The following SCAF1 variants were observed in gnomAD, a reference collection of about 807,000 sequenced individuals.
SCAF1 encodes the protein SR-related CTD associated factor 1, also known as splicing factor, arginine/serine-rich 19.
In SCAF1, 28 loss-of-function variants were observed where a neutral mutation model predicts 91.2. The ratio of observed to expected loss-of-function variants is 0.31; its 90% CI spans 0.23 to 0.42. The LOEUF (loss-of-function observed/expected upper bound fraction) is 0.42. SCAF1 is among the 10% of genes least tolerant of loss of function. The pLI, the probability that SCAF1 is intolerant of heterozygous loss-of-function variation, is 1.00. For missense variants in SCAF1, 1,893 were observed against 1,872.1 expected (o/e 1.01, Z -0.21); for synonymous variants, 1,036 against 833.7 (o/e 1.24, Z -4.18).
chr19:49,653,294 C>T lies in SCAF1; in HGVS notation c.2905C>T (p.Arg969Trp), dbSNP rs1342039880. The T allele has an allele frequency of 4.8e-6, 7 of 1,466,328 alleles. No individual in the cohort carries two copies. Among genetic ancestry groups the T allele is most frequent in the Admixed American group, 5.3e-5 (2 of 37,710 alleles). 90.8% of individuals were successfully genotyped at this position (1,466,328 alleles called of 1,614,324 possible). A position where few individuals can be genotyped will look rare whatever the true frequency, so the allele number is the denominator to read the frequency against. ...AEETSWSGEE[R>W]AAKVPSTPPP... ...GGAGACTTCCTGGTCCGGGGAGGAG[C>T]GGGCAGCCAAGGTTCCTAGCACCCC... is the stretch of plus-strand genomic sequence containing the variant. The change falls in exon 7 of 11, where the codon CGG becomes TGG. Residue 969 changes from arginine to tryptophan, a missense_variant. Physicochemically the swap from Arg to Trp is moderately radical, Grantham distance 101 (BLOSUM62 -3). Transcript: ENST00000360565.
Position 49,658,596 on chromosome 19 carries a change from GT to G in SCAF1, c.*200del, listed in dbSNP as rs1196761730. ...CCTGTCCCCAGTGCCCCTCCCTTCT[GT>G]TTGTGCCCCTCTCCCCAATTTCATT... On this transcript the variant is annotated 3_prime_UTR_variant, in exon 11 of 11. Transcript: ENST00000360565. 1 of 592,874 alleles carries G rather than the reference GT, an allele frequency of 1.7e-6. No homozygotes were observed. Among genetic ancestry groups the G allele is most frequent in the Non-Finnish European group, 3.0e-6 (1 of 335,176 alleles). The allele number at this position is 592,874 out of a possible 1,614,324, so 36.7% of individuals were successfully genotyped here.
At chr19:49,656,371 A>G (rs1404366526) in intron 9 of SCAF1, among the ~76,000 whole-genome samples, 1 of 152,172 alleles carries the variant, frequency 6.6e-6, no homozygotes, top group Admixed American at 6.5e-5. Context: ...GTAGCTCGTC[A>G]GACAGTGTCA....
chr19:49,652,631 CAGA>C lies in SCAF1; in HGVS notation c.2245_2247del (p.Lys749del), dbSNP rs1325965408. 4.5e-6 allele frequency: 7 copies of C among 1,562,720 alleles called. No individual in the cohort carries two copies. The highest frequency in any genetic ancestry group is 6.1e-6 in the Non-Finnish European group (7 of 1,153,726). The stretch of plus-strand genomic sequence containing the variant: ...CGAGGAGCGGGGCGGCAAGAGCAGC[CAGA>C]AGGATCGGCGCCGCTCGGGGGCCGC... On this transcript the variant is annotated inframe_deletion, in exon 7 of 11. Coordinates refer to ENST00000360565, the MANE Select transcript of SCAF1 (RefSeq NM_021228.3).
rs1394971352 is a variant in SCAF1, at chr19:49,642,845, G to A, written c.-7+603G>A. 7 of 152,296 alleles carry A rather than the reference G, an allele frequency of 4.6e-5. No individual in the cohort carries two copies. The highest frequency in any genetic ancestry group is 1.7e-4 in the African/African-American group (7 of 41,454). The allele number at this position is 152,296 out of a possible 1,614,324, so 9.4% of individuals were successfully genotyped here. On this transcript the variant is annotated intron_variant, in intron 1 of 10. Transcript: ENST00000360565. This position sits in a 1 kb window ranked among gnomAD's most constrained non-coding sequence, Gnocchi z 4.0. ...GTCATTTAGGGCCCCCTAGGGGGTT[G>A]GGTTATGCCCACCAGGGAAGGGCGC... is the stretch of plus-strand genomic sequence containing the variant.
At chr19:49,640,616 T>C (rs2081021565), upstream of SCAF1, among the ~76,000 whole-genome samples, 1 of 152,080 alleles carries the variant, frequency 6.6e-6, no homozygotes, top group South Asian at 2.1e-4. Context: ...ACCTCCCTCC[T>C]GGGATCCTAG....
intron 1 of SCAF1, among the ~76,000 whole-genome samples, chr19:49,644,064 G>T (rs147346262): frequency 2.6e-5 from 4 of 152,318 alleles, no homozygotes; most frequent in Non-Finnish European, 4.4e-5. Flanking sequence ...GTCAGGCTTT[G>T]AGTATTCACA....
At position 49,645,686 on chromosome 19, in the gene SCAF1, GCT is replaced by G. The variant is rs2081050833; in HGVS notation, c.166+280_166+281del. Among the ~76,000 whole-genome samples the G allele has an allele frequency of 6.6e-6, 1 of 152,186 alleles. No homozygotes were observed. Among genetic ancestry groups the G allele is most frequent in the African/African-American group, 2.4e-5 (1 of 41,444 alleles). On this transcript the variant is annotated intron_variant, in intron 3 of 10. Coordinates refer to ENST00000360565, the MANE Select transcript of SCAF1 (RefSeq NM_021228.3). The surrounding 1 kb of genome is among the most constrained non-coding windows in gnomAD (Gnocchi z 4.6). The stretch of plus-strand genomic sequence containing the variant: ...CTTCCCCGAGCAGGGACAGTGAACG[GCT>G]CTCTAAGGACCTAGAAGAGTCTAAG...
chr19:49,646,876 G>C lies in SCAF1; in HGVS notation c.478+46G>C. 6.8e-7 allele frequency: 1 copy of C among 1,464,450 alleles called. No individual in the cohort carries two copies. Among genetic ancestry groups the C allele is most frequent in the Non-Finnish European group, 9.3e-7 (1 of 1,073,346 alleles). 90.7% of individuals were successfully genotyped at this position (1,464,450 alleles called of 1,614,324 possible). A position where few individuals can be genotyped will look rare whatever the true frequency, so the allele number is the denominator to read the frequency against. ...GCTGGGCAGGTGGTCGTGGAGTTGT[G>C]TGGGGATCGGCTGTTTTTGGTAGTG... is the stretch of plus-strand genomic sequence containing the variant. On this transcript the variant is annotated intron_variant, in intron 6 of 10. Coordinates refer to ENST00000360565, the MANE Select transcript of SCAF1 (RefSeq NM_021228.3). This position sits in a 1 kb window ranked among gnomAD's most constrained non-coding sequence, Gnocchi z 5.6.
intron 6 of SCAF1, among the ~76,000 whole-genome samples, chr19:49,648,957 G>A (rs554583501): frequency 1.4e-5 from 2 of 143,110 alleles, no homozygotes; most frequent in African/African-American, 5.2e-5. Flanking sequence ...GTAACAGAGT[G>A]AGACTCCCTC....
chr19:49,652,271 G>C lies in SCAF1; in HGVS notation c.1882G>C (p.Glu628Gln). The C allele has an allele frequency of 6.7e-7, 1 of 1,481,652 alleles. No individual in the cohort carries two copies. The highest frequency in any genetic ancestry group is 8.9e-7 in the Non-Finnish European group (1 of 1,120,478). 91.8% of individuals were successfully genotyped at this position (1,481,652 alleles called of 1,614,324 possible). A position where few individuals can be genotyped will look rare whatever the true frequency, so the allele number is the denominator to read the frequency against. Reference sequence around the variant, plus strand: ...TTCCTCATCGTCGTCCTCGAGGCGCGAGCGGCACCGCGGGAAACACCGGGA... The same window carrying C: ...TTCCTCATCGTCGTCCTCGAGGCGCCAGCGGCACCGCGGGAAACACCGGGA... ...ATSSSSSSRR[E>Q]RHRGKHRDGG... Residue 628 changes from glutamate to glutamine, a missense_variant, in exon 7 of 11, where the codon GAG becomes CAG. Physicochemically the swap from Glu to Gln is conservative, Grantham distance 29 (BLOSUM62 2). Coordinates refer to ENST00000360565, the MANE Select transcript of SCAF1 (RefSeq NM_021228.3).
intron 1 of SCAF1, among the ~76,000 whole-genome samples, chr19:49,643,896 A>G (rs759077286): frequency 2.0e-5 from 3 of 152,152 alleles, no homozygotes; most frequent in African/African-American, 2.4e-5. Flanking sequence ...TTGAAAATCT[A>G]TATGGGATCT....
rs775188545 is a variant in SCAF1, at chr19:49,653,526, C to G, written c.3137C>G (p.Thr1046Arg). 1 of 1,575,816 alleles carries G rather than the reference C, an allele frequency of 6.3e-7. No individual in the cohort carries two copies. Among genetic ancestry groups the G allele is most frequent in the Non-Finnish European group, 8.6e-7 (1 of 1,165,226 alleles). The stretch of plus-strand genomic sequence containing the variant: ...GAGGAGCAGCAGCCTGCTACCACCA[C>G]GGCCACCAGCACTGCTGCAGCCGCC... ...EEEEQQPATTTATSTAAAAPS... is the reference protein window; with the variant it reads ...EEEEQQPATTRATSTAAAAPS... The change falls in exon 7 of 11, where the codon ACG becomes AGG. Residue 1046 changes from threonine (T) to arginine (R), a missense_variant. Physicochemically the swap from Thr to Arg is moderately conservative, Grantham distance 71 (BLOSUM62 -1). This residue lies in a region of SCAF1 where 1,436 missense variants were observed against 1,306.8 expected (regional missense o/e 1.10). Coordinates refer to ENST00000360565, the MANE Select transcript of SCAF1 (RefSeq NM_021228.3).
chr19:49,657,034 G>T (rs2081143685), intron 9 of SCAF1, among the ~76,000 whole-genome samples: 1 of 152,148 alleles, frequency 6.6e-6, no homozygotes. Context: ...GGCACATCTA[G>T]TCCCAGCTAT....
rs1352269573 is a variant in SCAF1, at chr19:49,645,059, A to G, written c.33A>G (p.Thr11=). 7.4e-6 allele frequency: 12 copies of G among 1,614,020 alleles called. No individual in the cohort carries two copies. The highest frequency in any genetic ancestry group is 2.2e-5 in the East Asian group (1 of 44,896). MEEEDESRGK[T]EESGEDRGDG... is the part of the protein sequence containing the mutation. Reference sequence around the variant, plus strand: ...AAGAAGATGAGTCTCGAGGGAAGACAGAGGAGTCGGGGGAGGATCGGGGCG... The same window carrying G: ...AAGAAGATGAGTCTCGAGGGAAGACGGAGGAGTCGGGGGAGGATCGGGGCG... The change falls in exon 2 of 11, where the codon ACA becomes ACG. Residue 11 remains threonine (T), a synonymous_variant. Coordinates refer to ENST00000360565, the MANE Select transcript of SCAF1 (RefSeq NM_021228.3). The surrounding 1 kb of genome is among the most constrained non-coding windows in gnomAD (Gnocchi z 4.6).
rs371343679 is a variant in SCAF1 at position 49,653,247 on chromosome 19, C to T, written c.2858C>T (p.Ala953Val). The T allele has an allele frequency of 7.4e-5, 110 of 1,491,916 alleles. No individual in the cohort carries two copies. The highest frequency in any genetic ancestry group is 9.8e-5 in the African/African-American group (7 of 71,566). 92.4% of individuals were successfully genotyped at this position (1,491,916 alleles called of 1,614,324 possible). Residue 953 changes from alanine to valine, a missense_variant, in exon 7 of 11, where the codon GCG becomes GTG. Ala to Val is a moderately conservative substitution (Grantham distance 64). Transcript: ENST00000360565. ...TCCAAGGCGGATAGCTGCAGCCAGGCGGCAGGCACCAAGGGGGCGGAGGAG... is the reference window on the plus strand; with the variant it reads ...TCCAAGGCGGATAGCTGCAGCCAGGTGGCAGGCACCAAGGGGGCGGAGGAG... ...KKSKADSCSQ[A>V]AGTKGAEETS...
chr19:49,657,961 A>G (rs1287021612), intron 10 of SCAF1, 72 bp downstream of exon 10: 1 of 1,550,010 alleles, frequency 6.5e-7, no homozygotes, highest in African/African-American at 1.4e-5. Flanking sequence ...GTGTGCAGAC[A>G]GATGGACGCG....
chr19:49,651,535 C>A lies in SCAF1; in HGVS notation c.1146C>A (p.Pro382=). 1 of 1,564,286 alleles carries A rather than the reference C, an allele frequency of 6.4e-7. No homozygotes were observed. The highest frequency in any genetic ancestry group is 2.4e-5 in the East Asian group (1 of 42,354). Residue 382 remains proline, a synonymous_variant, in exon 7 of 11, where the codon CCC becomes CCA. Coordinates refer to ENST00000360565, the MANE Select transcript of SCAF1 (RefSeq NM_021228.3). Reference sequence around the variant, plus strand: ...CTGGTGGAGCCGCCCTCCCGCCGCCCCTGCTGCCGCCCGGCGACTCGGAGA... The same window carrying A: ...CTGGTGGAGCCGCCCTCCCGCCGCCACTGCTGCCGCCCGGCGACTCGGAGA... ...VTAGGAALPP[P]LLPPGDSEIE... is the part of the protein sequence containing the mutation.
At chr19:49,641,873 C>G (rs1443133855), upstream of SCAF1, among the ~76,000 whole-genome samples, 1 of 152,262 alleles carries the variant, frequency 6.6e-6, no homozygotes, top group Non-Finnish European at 1.5e-5. Flanking sequence ...TGCCTGGCGC[C>G]TCTTACGTCA....
At chr19:49,657,734 C>T in intron 9 of SCAF1, 27 bp from the exon 10 acceptor site, 1 of 1,580,762 alleles carries the variant, frequency 6.3e-7, no homozygotes, top group Non-Finnish European at 8.6e-7. Context: ...CTTGCTGTGT[C>T]TTCCCCCGCT....
Sources: gnomAD v4.1 joint callset for allele counts (sites outside exome capture counted in the v4.1 genomes callset) on GRCh38, gnomAD v4.1.1 for gene constraint, gnomAD v4.1.1 regional missense constraint, Gnocchi (gnomAD v3.1) non-coding constraint, MANE v1.5 for transcripts, NCBI Gene and HGNC (gene_info 2026-07-23, HGNC 2026-07-21) for gene names.